The following FAF1 variants were observed in gnomAD, a reference collection of about 807,000 sequenced individuals.
The protein encoded by FAF1 is FAS-associated factor 1.
In FAF1, 25 loss-of-function variants were observed where a neutral mutation model predicts 92.5. The observed-to-expected ratio is 0.27, with a 90% CI of 0.20 to 0.38. The LOEUF (loss-of-function observed/expected upper bound fraction) is 0.38, where lower values mean the gene tolerates loss of function less well. FAF1 is among the 10% of genes least tolerant of loss of function. FAF1 has a pLI of 1.00. For synonymous variants in FAF1, 234 were observed against 273.2 expected (o/e 0.86, Z 1.42); for missense variants, 636 against 793.3 (o/e 0.80, Z 2.38).
intron 5 of FAF1, among the ~76,000 whole-genome samples, chr1:50,741,958 A>C (rs1220533889): frequency 6.6e-6 from 1 of 152,186 alleles, no homozygotes; most frequent in African/African-American, 2.4e-5. Flanking sequence ...TTCGGAGGCA[A>C]TCAGAAAATT....
At chr1:50,582,456 T>C in intron 12 of FAF1, 162 bp downstream of exon 12, 1 of 565,438 alleles carries the variant, frequency 1.8e-6, no homozygotes, top group South Asian at 2.6e-5. Context: ...CAGAGATGAT[T>C]AGCATGGCCC....
chr1:50,477,008 C>G (rs1187447260), intron 17 of FAF1, among the ~76,000 whole-genome samples: 8 of 152,102 alleles, frequency 5.3e-5, no homozygotes, highest in Non-Finnish European at 1.2e-4. Context: ...CTGCATATGC[C>G]TTTCTATTTT....
At chr1:50,858,039 A>C (rs1436521863) in intron 1 of FAF1, 42 bp from the exon 2 acceptor site, 1 of 1,396,236 alleles carries the variant, frequency 7.2e-7, no homozygotes, top group African/African-American at 1.5e-5. Flanking sequence ...TAATTTTAGA[A>C]ATAGGGAGGT....
intron 8 of FAF1, among the ~76,000 whole-genome samples, chr1:50,620,885 C>G (rs1484722088): frequency 6.6e-6 from 1 of 152,264 alleles, no homozygotes; most frequent in Admixed American, 6.5e-5. Context: ...AGGTCTGCTT[C>G]TGAGCCTTGG....
At chr1:50,447,282 C>G (rs938008702) in intron 18 of FAF1, among the ~76,000 whole-genome samples, 1 of 151,926 alleles carries the variant, frequency 6.6e-6, no homozygotes, top group African/African-American at 2.4e-5. Flanking sequence ...CCCGCCACCA[C>G]GCCTGGCTCA....
intron 3 of FAF1, among the ~76,000 whole-genome samples, chr1:50,792,180 A>G (rs1186412052): frequency 1.3e-5 from 2 of 152,186 alleles, no homozygotes; most frequent in African/African-American, 4.8e-5. Context: ...AGAAAATGAT[A>G]CAGAGTTTGT....
chr1:50,461,248 T>G (rs538095894), intron 18 of FAF1, among the ~76,000 whole-genome samples: 1 of 152,340 alleles, frequency 6.6e-6, no homozygotes, highest in East Asian at 1.9e-4. Flanking sequence ...GCACCACTGA[T>G]AGAGGACTTT....
At chr1:50,475,782 T>A in intron 17 of FAF1, 103 bp from the exon 18 acceptor site, 1 of 694,902 alleles carries the variant, frequency 1.4e-6, no homozygotes, top group Non-Finnish European at 2.4e-6. Flanking sequence ...TAGAAATTCA[T>A]TGAAAAGTCA....
intron 17 of FAF1, among the ~76,000 whole-genome samples, chr1:50,479,177 T>C (rs1274774278): frequency 6.6e-6 from 1 of 151,696 alleles, no homozygotes; most frequent in South Asian, 2.1e-4. Context: ...CTCATAGGAA[T>C]AGAGCCGATA....
At chr1:50,775,496 T>C (rs1371979418) in intron 4 of FAF1, among the ~76,000 whole-genome samples, 2 of 152,106 alleles carry the variant, frequency 1.3e-5, no homozygotes, top group African/African-American at 2.4e-5. Context: ...AAAGGCTTCA[T>C]AGAAGAGGAA....
intron 5 of FAF1, among the ~76,000 whole-genome samples, chr1:50,740,226 G>A (rs1250738293): frequency 6.6e-6 from 1 of 152,076 alleles, no homozygotes; most frequent in Non-Finnish European, 1.5e-5. Context: ...AGGGAAGGGG[G>A]GATAAAGAAT....
chr1:50,520,175 T>A (rs1647426789), intron 15 of FAF1, among the ~76,000 whole-genome samples: 1 of 152,182 alleles, frequency 6.6e-6, no homozygotes, highest in Non-Finnish European at 1.5e-5. Context: ...TTATTGCCAT[T>A]GCTGTTTTTC....
At chr1:50,712,987 C>T (rs545175325) in intron 6 of FAF1, among the ~76,000 whole-genome samples, 1 of 151,540 alleles carries the variant, frequency 6.6e-6, no homozygotes, top group Non-Finnish European at 1.5e-5. Context: ...CAAGGTAAAA[C>T]CCAGACTCTA....
chr1:50,809,191 C>G (rs1226893704), intron 2 of FAF1, among the ~76,000 whole-genome samples: 1 of 151,966 alleles, frequency 6.6e-6, no homozygotes, highest in Admixed American at 6.6e-5. Flanking sequence ...AAATTAACAA[C>G]CTAACATCAC....
At chr1:50,957,507 T>C (rs944685319) in intron 1 of FAF1, among the ~76,000 whole-genome samples, 15 of 151,800 alleles carry the variant, frequency 9.9e-5, no homozygotes, top group Admixed American at 3.9e-4. Context: ...GCCCGCCACC[T>C]CGACCGGCTA....
At chr1:50,744,182 C>T (rs559355858) in intron 5 of FAF1, among the ~76,000 whole-genome samples, 1 of 152,166 alleles carries the variant, frequency 6.6e-6, no homozygotes, top group Non-Finnish European at 1.5e-5. Flanking sequence ...AAATATAATT[C>T]ATTCCATGCA....
intron 1 of FAF1, among the ~76,000 whole-genome samples, chr1:50,894,339 G>A (rs1482051631): frequency 2.0e-5 from 3 of 149,728 alleles, no homozygotes; most frequent in Non-Finnish European, 4.4e-5. Context: ...AACTCCAAGG[G>A]CTCTTCAGTC....
intron 3 of FAF1, among the ~76,000 whole-genome samples, chr1:50,792,838 A>G (rs111682826): frequency 6.6e-6 from 1 of 152,304 alleles, no homozygotes; most frequent in Admixed American, 6.5e-5. Context: ...AGAATGGCAG[A>G]GGTCAAATGG....
At chr1:50,464,472 A>G (rs1379469532) in intron 18 of FAF1, among the ~76,000 whole-genome samples, 1 of 152,162 alleles carries the variant, frequency 6.6e-6, no homozygotes. Context: ...AAGACTCAGA[A>G]CACATTTTTA....
Sources: allele counts gnomAD v4.1 joint callset (sites outside exome capture counted in the v4.1 genomes callset), GRCh38; gene constraint gnomAD v4.1.1; transcripts MANE v1.5; gene names NCBI Gene and HGNC (gene_info 2026-07-23, HGNC 2026-07-21).